Variants in ATG2B observed in about 807,000 individuals in gnomAD.
ATG2B encodes the protein autophagy related 2B, also known as autophagy-related protein 2 homolog B.
Under a neutral mutation model 241.3 loss-of-function variants are expected in ATG2B, and 121 were observed. The ratio of observed to expected loss-of-function variants is 0.50; its 90% CI spans 0.43 to 0.58. ATG2B has a LOEUF of 0.58. ATG2B is among the 20% of genes least tolerant of loss of function. The pLI, the probability that ATG2B is intolerant of heterozygous loss-of-function variation, is 0.00. For missense variants in ATG2B, 2,306 were observed against 2,491.6 expected (o/e 0.93, Z 1.59); for synonymous variants, 858 against 876.6 (o/e 0.98, Z 0.37).
intron 6 of ATG2B, among the ~76,000 whole-genome samples, chr14:96,339,823 T>C (rs1243388271): frequency 1.3e-5 from 2 of 151,534 alleles, no homozygotes; most frequent in Non-Finnish European, 2.9e-5. Context: ...AATTTACCAC[T>C]AAAGAACTCA....
At position 96,285,730 on chromosome 14, in the gene ATG2B, T is replaced by C; in HGVS notation, c.*25A>G. 1 of 1,609,380 alleles carries C rather than the reference T, an allele frequency of 6.2e-7. No individual in the cohort carries two copies. The highest frequency in any genetic ancestry group is 8.5e-7 in the Non-Finnish European group (1 of 1,176,734). ...TGAGCTCCTGGTTCCACTCTCCTTATCTTCACACTGTCAGTTCCAAGCCAT... is the reference window on the plus strand; with the variant it reads ...TGAGCTCCTGGTTCCACTCTCCTTACCTTCACACTGTCAGTTCCAAGCCAT... On this transcript the variant is annotated 3_prime_UTR_variant, in exon 42 of 42. Transcript: ENST00000359933. This position sits in a 1 kb window ranked among gnomAD's most constrained non-coding sequence, Gnocchi z 4.2.
Position 96,333,877 on chromosome 14 carries a change from T to C in ATG2B, c.1022-4A>G. 1.2e-6 allele frequency: 2 copies of C among 1,612,230 alleles called. No individual in the cohort carries two copies. Among genetic ancestry groups the C allele is most frequent in the Non-Finnish European group, 1.7e-6 (2 of 1,178,752 alleles). On this transcript the variant is annotated splice_region_variant and splice_polypyrimidine_tract_variant and intron_variant, in intron 7 of 41. Coordinates refer to ENST00000359933, the MANE Select transcript of ATG2B (RefSeq NM_018036.7). ...AACCCTATTTTGCTAGAATTTTCTA[T>C]AAGCATACAAAAGGAAACCAAAACA... is the stretch of plus-strand genomic sequence containing the variant.
chr14:96,347,428 A>C (rs1198187596), intron 1 of ATG2B, 87 bp from the exon 2 acceptor site: 11 of 1,027,194 alleles, frequency 1.1e-5, no homozygotes, highest in Non-Finnish European at 1.2e-5. Flanking sequence ...ATATGCCCAC[A>C]CATGTTAGGC....
At chr14:96,308,603 A>G (rs557015494) in intron 29 of ATG2B, among the ~76,000 whole-genome samples, 21 of 151,520 alleles carry the variant, frequency 1.4e-4, no homozygotes, top group African/African-American at 5.1e-4. Flanking sequence ...TGCCCAGCCT[A>G]GCTGCTAACA....
intron 29 of ATG2B, among the ~76,000 whole-genome samples, chr14:96,308,270 A>ACATATGTATATATATATATATATATG (rs1555365542): frequency 3.6e-5 from 1 of 27,904 alleles, no homozygotes; most frequent in Non-Finnish European, 5.9e-5. Context: ...ATATATATAT[A>ACATATGTATATATATATATATATATG]TATATATATA....
chr14:96,307,054 G>A (rs1595301376), intron 29 of ATG2B, 138 bp from the exon 30 acceptor site: 2 of 741,900 alleles, frequency 2.7e-6, no homozygotes, highest in East Asian at 5.4e-5. Context: ...CTATGAATCT[G>A]AGGCTTAAAG....
At chr14:96,311,343 CTTTT>C (rs1287579677) in intron 27 of ATG2B, 56 bp from the exon 28 acceptor site, 8 of 1,513,878 alleles carry the variant, frequency 5.3e-6, no homozygotes, top group Middle Eastern at 1.8e-4. Flanking sequence ...ACAAAAGTTT[CTTTT>C]TTTGCATAGA....
intron 1 of ATG2B, among the ~76,000 whole-genome samples, chr14:96,350,267 T>A (rs906825942): frequency 6.6e-6 from 1 of 152,176 alleles, no homozygotes; most frequent in Middle Eastern, 3.4e-3. Flanking sequence ...ACAGAACTCA[T>A]AGACACCAAT....
intron 41 of ATG2B, among the ~76,000 whole-genome samples, chr14:96,287,579 T>C (rs565165926): frequency 6.6e-6 from 1 of 152,338 alleles, no homozygotes; most frequent in East Asian, 1.9e-4. Context: ...AAATGCTGCC[T>C]TCCTCCTACG....
intron 1 of ATG2B, among the ~76,000 whole-genome samples, chr14:96,350,977 C>T (rs1408110316): frequency 6.6e-6 from 1 of 152,186 alleles, no homozygotes; most frequent in African/African-American, 2.4e-5. Context: ...TTCAGAAATT[C>T]TCCCTTATGT....
Position 96,347,300 on chromosome 14 carries a change from T to C in ATG2B, c.204A>G (p.Glu68=), listed in dbSNP as rs769694683. 6.2e-7 allele frequency: 1 copy of C among 1,605,826 alleles called. No homozygotes were observed. Among genetic ancestry groups the C allele is most frequent in the Non-Finnish European group, 8.5e-7 (1 of 1,173,474 alleles). The stretch of plus-strand genomic sequence containing the variant: ...TTGACTGAATGAATCCTTCAGTGAC[T>C]TCTAAGGGTGCATCTGCTGACTCCA... The part of the protein sequence containing the change: ...EILESADAPL[E]VTEGFIQSIS... The change falls in exon 2 of 42, where the codon GAA becomes GAG. Residue 68 remains glutamate (E), a synonymous_variant. Coordinates refer to ENST00000359933, the MANE Select transcript of ATG2B (RefSeq NM_018036.7).
At chr14:96,296,223 C>A (rs1050813740) in intron 34 of ATG2B, among the ~76,000 whole-genome samples, 3 of 152,014 alleles carry the variant, frequency 2.0e-5, no homozygotes, top group African/African-American at 7.2e-5. Flanking sequence ...CATTATATTG[C>A]CTTAATACAT....
intron 36 of ATG2B, 58 bp downstream of exon 36, chr14:96,294,902 A>G (rs1886587512): frequency 1.3e-6 from 2 of 1,505,988 alleles, no homozygotes; most frequent in African/African-American, 1.4e-5. Flanking sequence ...CATACATCAC[A>G]GAACAATCTT....
chr14:96,362,484 C>T (rs188609904), intron 1 of ATG2B, among the ~76,000 whole-genome samples: 2 of 152,302 alleles, frequency 1.3e-5, no homozygotes, highest in East Asian at 3.9e-4. Flanking sequence ...CAAAACCCTG[C>T]GGCCCCTCAC....
intron 31 of ATG2B, among the ~76,000 whole-genome samples, chr14:96,304,964 CAACT>C (rs1886896648): frequency 6.6e-6 from 1 of 151,854 alleles, no homozygotes; most frequent in Non-Finnish European, 1.5e-5. Context: ...CTAGGAATCC[CAACT>C]AATACACAAA....
intron 1 of ATG2B, among the ~76,000 whole-genome samples, chr14:96,348,577 G>A (rs1888231668): frequency 6.6e-6 from 1 of 151,818 alleles, no homozygotes; most frequent in Non-Finnish European, 1.5e-5. Context: ...CAGCTGCTTG[G>A]GAGGCTGAAA....
intron 6 of ATG2B, among the ~76,000 whole-genome samples, chr14:96,340,130 T>TAG (rs371376416): frequency 8.5e-5 from 2 of 23,458 alleles, no homozygotes; most frequent in African/African-American, 6.9e-4. Context: ...AATATATATA[T>TAG]CATATATGAT....
At chr14:96,346,215 G>A (rs2139898716) in intron 2 of ATG2B, among the ~76,000 whole-genome samples, 1 of 152,178 alleles carries the variant, frequency 6.6e-6, no homozygotes, top group East Asian at 1.9e-4. Context: ...AAACATATGA[G>A]ATGTGAAAAA....
chr14:96,352,163 G>A (rs1056331182), intron 1 of ATG2B, among the ~76,000 whole-genome samples: 1 of 152,124 alleles, frequency 6.6e-6, no homozygotes, highest in African/African-American at 2.4e-5. Flanking sequence ...TAGTGACATC[G>A]CAGCCATCAT....
Sources: gnomAD v4.1 joint callset for allele counts (sites outside exome capture counted in the v4.1 genomes callset) on GRCh38, gnomAD v4.1.1 for gene constraint, Gnocchi (gnomAD v3.1) non-coding constraint, MANE v1.5 for transcripts, NCBI Gene and HGNC (gene_info 2026-07-23, HGNC 2026-07-21) for gene names.